Variants in EDIL3 observed in about 807,000 individuals in gnomAD.
EDIL3 encodes EGF-like repeat and discoidin I-like domain-containing protein 3.
In EDIL3, 37 loss-of-function variants were observed where a neutral mutation model predicts 67.4. The observed-to-expected ratio is 0.55, with a 90% CI of 0.42 to 0.72. The LOEUF is 0.72. Ranked by LOEUF, EDIL3 falls within the 30% of genes least tolerant of loss-of-function variation. The probability of loss-of-function intolerance (pLI) is 0.00; values close to 1 mark genes in which losing one functional copy is unlikely to be tolerated. For missense variants in EDIL3, 527 were observed against 586.3 expected (o/e 0.90, Z 1.04); for synonymous variants, 195 against 196.3 (o/e 0.99, Z 0.05).
chr5:84,035,618 C>T (rs994337527), intron 9 of EDIL3, among the ~76,000 whole-genome samples: 3 of 152,084 alleles, frequency 2.0e-5, no homozygotes, highest in African/African-American at 7.2e-5. Context: ...ACAAAAGTTC[C>T]TATCAAATTG....
At chr5:83,985,120 A>AG (rs1745037527) in intron 9 of EDIL3, among the ~76,000 whole-genome samples, 3 of 152,058 alleles carry the variant, frequency 2.0e-5, no homozygotes, top group Non-Finnish European at 4.4e-5. Flanking sequence ...AGAATGGAGA[A>AG]GACTTTTTCT....
chr5:84,317,636 T>C (rs1000104972), intron 1 of EDIL3, among the ~76,000 whole-genome samples: 5 of 152,080 alleles, frequency 3.3e-5, no homozygotes, highest in African/African-American at 9.7e-5. Flanking sequence ...CAGGACCAGA[T>C]ACTTTCTATT....
chr5:84,156,726 G>T (rs1228399376), intron 4 of EDIL3, among the ~76,000 whole-genome samples: 1 of 152,012 alleles, frequency 6.6e-6, no homozygotes, highest in Non-Finnish European at 1.5e-5. Context: ...TAGGGAGGGT[G>T]GCAGCCCCCA....
At chr5:84,001,079 C>G (rs2112169402) in intron 9 of EDIL3, among the ~76,000 whole-genome samples, 1 of 152,098 alleles carries the variant, frequency 6.6e-6, no homozygotes, top group East Asian at 1.9e-4. Flanking sequence ...GAGACAGAAT[C>G]TCTGTTGCCC....
chr5:84,066,411 A>C (rs1275119134), intron 7 of EDIL3, 40 bp downstream of exon 7: 5 of 1,546,724 alleles, frequency 3.2e-6, no homozygotes, highest in Non-Finnish European at 4.3e-6. Flanking sequence ...ATTATCAATG[A>C]CATTTTTCTT....
chr5:84,300,667 C>G (rs1044381865), intron 1 of EDIL3, among the ~76,000 whole-genome samples: 1 of 152,034 alleles, frequency 6.6e-6, no homozygotes, highest in Non-Finnish European at 1.5e-5. Flanking sequence ...GAAATTCATC[C>G]TTAAGAAATA....
At chr5:83,995,226 T>C (rs1464143402) in intron 9 of EDIL3, among the ~76,000 whole-genome samples, 1 of 151,838 alleles carries the variant, frequency 6.6e-6, no homozygotes, top group Non-Finnish European at 1.5e-5. Context: ...AAATCTATGA[T>C]ACCCTACAGA....
At chr5:84,235,333 G>A (rs1744658222) in intron 2 of EDIL3, among the ~76,000 whole-genome samples, 1 of 152,116 alleles carries the variant, frequency 6.6e-6, no homozygotes, top group South Asian at 2.1e-4. Context: ...GTCACTGTGA[G>A]GCACAGCATT....
At chr5:84,187,473 T>C (rs1428427988) in intron 3 of EDIL3, among the ~76,000 whole-genome samples, 1 of 152,102 alleles carries the variant, frequency 6.6e-6, no homozygotes, top group Non-Finnish European at 1.5e-5. Flanking sequence ...GGTCAATTTT[T>C]AAAAAATATG....
At chr5:84,255,969 A>G (rs1484652786) in intron 1 of EDIL3, among the ~76,000 whole-genome samples, 1 of 152,204 alleles carries the variant, frequency 6.6e-6, no homozygotes, top group Non-Finnish European at 1.5e-5. Context: ...TCAATGAGAG[A>G]GTGTCTAACA....
chr5:84,041,379 C>G (rs369976993), intron 9 of EDIL3, among the ~76,000 whole-genome samples: 69 of 151,686 alleles, frequency 4.5e-4, no homozygotes, highest in African/African-American at 1.7e-3. Flanking sequence ...CAGGAGGTCT[C>G]CAAACCATGC....
At chr5:84,235,638 TA>T (rs1002870810) in intron 2 of EDIL3, among the ~76,000 whole-genome samples, 7 of 152,026 alleles carry the variant, frequency 4.6e-5, no homozygotes, top group African/African-American at 1.4e-4. Context: ...AGGAACTGAA[TA>T]AATATTTGTT....
Position 84,250,652 on chromosome 5 carries a change from A to C in EDIL3, c.196+3432T>G, listed in dbSNP as rs1440561869. ...AATCATGAAATGTTTTTCTCTAAGC[A>C]TGCATTTGAAATTCTCCTTTCCAGA... is the stretch of plus-strand genomic sequence containing the variant. On this transcript the variant is annotated intron_variant, in intron 2 of 10. Coordinates refer to ENST00000296591, the MANE Select transcript of EDIL3 (RefSeq NM_005711.5). 3.3e-5 allele frequency among the ~76,000 whole-genome samples: 5 copies of C among 152,228 alleles called. No homozygotes were observed. The East Asian group carries it at 9.6e-4, about 29-fold the overall frequency.
At chr5:84,267,558 G>A (rs2112091879) in intron 1 of EDIL3, among the ~76,000 whole-genome samples, 1 of 152,242 alleles carries the variant, frequency 6.6e-6, no homozygotes, top group South Asian at 2.1e-4. Flanking sequence ...ACCCATCTAT[G>A]GCTTCCAATC....
At chr5:84,164,089 A>C (rs943901464) in intron 4 of EDIL3, among the ~76,000 whole-genome samples, 13 of 152,102 alleles carry the variant, frequency 8.5e-5, no homozygotes, top group African/African-American at 2.9e-4. Context: ...GATACAACTG[A>C]GAGGGATCTG....
intron 1 of EDIL3, among the ~76,000 whole-genome samples, chr5:84,348,267 G>A (rs987196855): frequency 1.3e-5 from 2 of 152,046 alleles, no homozygotes; most frequent in African/African-American, 2.4e-5. Context: ...TGATCCATAG[G>A]GAGGTAATTT....
At position 84,264,665 on chromosome 5, in the gene EDIL3, C is replaced by T. The variant is rs139540301; in HGVS notation, c.68-10453G>A. 5.2e-3 allele frequency among the ~76,000 whole-genome samples: 792 copies of T among 152,274 alleles called. 6 individuals are homozygous for T. Among genetic ancestry groups the T allele is most frequent in the African/African-American group, 0.018 (739 of 41,558 alleles). On this transcript the variant is annotated intron_variant, in intron 1 of 10. Coordinates refer to ENST00000296591, the MANE Select transcript of EDIL3 (RefSeq NM_005711.5). ...ATAATATATTTTTGTAATTATGCAA[C>T]AATTACAAACCCAGAAAATTGTTCT... is the stretch of plus-strand genomic sequence containing the variant.
At chr5:84,369,905 T>C (rs1475341437) in intron 1 of EDIL3, among the ~76,000 whole-genome samples, 2 of 152,192 alleles carry the variant, frequency 1.3e-5, no homozygotes, top group Non-Finnish European at 2.9e-5. Flanking sequence ...TCATTATACC[T>C]TTTCATCAAT....
At chr5:84,015,233 A>C (rs1327721658) in intron 9 of EDIL3, among the ~76,000 whole-genome samples, 1 of 152,212 alleles carries the variant, frequency 6.6e-6, no homozygotes, top group Admixed American at 6.5e-5. Context: ...AGTTAAGAAA[A>C]GAGCAGCTAT....
Sources: allele counts gnomAD v4.1 joint callset (sites outside exome capture counted in the v4.1 genomes callset), GRCh38; gene constraint gnomAD v4.1.1; transcripts MANE v1.5; gene names NCBI Gene and HGNC (gene_info 2026-07-23, HGNC 2026-07-21).